YAP1: variants seen among roughly 807,000 people sequenced by gnomAD.
YAP1 encodes the protein transcriptional coactivator YAP1.
Under a neutral mutation model 56.9 loss-of-function variants are expected in YAP1, and 5 were observed. The observed-to-expected ratio is 0.09, with a 90% CI of 0.05 to 0.18. The LOEUF (loss-of-function observed/expected upper bound fraction) is 0.18. Among genes scored for constraint, YAP1 ranks in the 10% least tolerant of loss-of-function variants. The pLI is 1.00. For missense variants in YAP1, 539 were observed against 651.8 expected, an observed-to-expected ratio of 0.83 and a Z score of 1.88; for synonymous variants, 265 against 248.1, an observed-to-expected ratio of 1.07 and a Z score of -0.64.
intron 6 of YAP1, among the ~76,000 whole-genome samples, chr11:102,213,181 G>A (rs1949492547): frequency 6.6e-6 from 1 of 152,186 alleles, no homozygotes; most frequent in African/African-American, 2.4e-5. Flanking sequence ...ACCTTCTCTT[G>A]TGCTTAAGAA....
rs367583347 is a variant in YAP1 at position 102,208,423 on chromosome 11, T to C, written c.985-1094T>C. On this transcript the variant is annotated intron_variant, in intron 5 of 8. Transcript: ENST00000282441. ...TATCAGTTCATTTTCAGCGAACCTTTAGAGGGTAGAGGGGAAGTTTTCCTT... is the reference window on the plus strand; with the variant it reads ...TATCAGTTCATTTTCAGCGAACCTTCAGAGGGTAGAGGGGAAGTTTTCCTT... Among the ~76,000 whole-genome samples, 12 of 152,356 alleles carry C rather than the reference T, an allele frequency of 7.9e-5. No individual in the cohort carries two copies. In the East Asian group the frequency reaches 1.9e-3, roughly 24 times the overall value.
intron 5 of YAP1, among the ~76,000 whole-genome samples, chr11:102,206,383 T>C (rs1045019335): frequency 2.6e-5 from 4 of 152,216 alleles, no homozygotes; most frequent in African/African-American, 9.6e-5. Flanking sequence ...GAATTGTGGA[T>C]TGCTGTTTTT....
At chr11:102,160,759 G>A (rs1438419805) in intron 2 of YAP1, among the ~76,000 whole-genome samples, 1 of 152,094 alleles carries the variant, frequency 6.6e-6, no homozygotes, top group African/African-American at 2.4e-5. Context: ...GAAGTTATTT[G>A]CTTGCTTTCT....
At chr11:102,171,773 A>AGATAATAGTATTTTTCCCTTCT (rs1946914005) in intron 3 of YAP1, among the ~76,000 whole-genome samples, 1 of 152,190 alleles carries the variant, frequency 6.6e-6, no homozygotes, top group Non-Finnish European at 1.5e-5. Context: ...TTTTACCTTG[A>AGATAATAGTATTTTTCCCTTCT]GATAATAGTA....
chr11:102,223,396 G>C (rs1950046713), intron 6 of YAP1, among the ~76,000 whole-genome samples: 1 of 152,048 alleles, frequency 6.6e-6, no homozygotes, highest in African/African-American at 2.4e-5. Context: ...TATATAGGGT[G>C]GGGGGTGGTT....
At chr11:102,206,380 G>C (rs1477591422) in intron 5 of YAP1, among the ~76,000 whole-genome samples, 1 of 152,086 alleles carries the variant, frequency 6.6e-6, no homozygotes, top group Admixed American at 6.5e-5. Flanking sequence ...ATGGAATTGT[G>C]GATTGCTGTT....
chr11:102,202,447 G>A (rs917132005), intron 4 of YAP1, among the ~76,000 whole-genome samples: 57 of 150,878 alleles, frequency 3.8e-4, no homozygotes, highest in African/African-American at 1.4e-3. Flanking sequence ...CCCAAGTGCT[G>A]GGATTACAGG....
At chr11:102,124,228 C>T (rs1212502056) in intron 2 of YAP1, among the ~76,000 whole-genome samples, 4 of 152,140 alleles carry the variant, frequency 2.6e-5, no homozygotes, top group African/African-American at 4.8e-5. Context: ...GCTGGGATTA[C>T]AGGCATGAGC....
intron 2 of YAP1, among the ~76,000 whole-genome samples, chr11:102,153,505 T>C (rs1945779374): frequency 6.6e-6 from 1 of 152,258 alleles, no homozygotes; most frequent in African/African-American, 2.4e-5. Context: ...GAGTGTTTTC[T>C]GATACAGCAT....
chr11:102,190,809 G>A (rs759128631), intron 4 of YAP1, among the ~76,000 whole-genome samples: 25 of 151,880 alleles, frequency 1.6e-4, no homozygotes, highest in Middle Eastern at 3.2e-3. Context: ...GATGGCACAC[G>A]CCTATAATCC....
At chr11:102,134,740 ACT>A (rs913229357) in intron 2 of YAP1, among the ~76,000 whole-genome samples, 8 of 151,900 alleles carry the variant, frequency 5.3e-5, no homozygotes, top group African/African-American at 1.7e-4. Context: ...ATAGGGTCTC[ACT>A]CTGTTGCCCA....
chr11:102,183,168 TAAA>T (rs1158710032), intron 3 of YAP1, among the ~76,000 whole-genome samples: 4 of 152,168 alleles, frequency 2.6e-5, no homozygotes, highest in African/African-American at 9.7e-5. Flanking sequence ...AAGGCTGAAT[TAAA>T]GAAGTGACAT....
intron 3 of YAP1, among the ~76,000 whole-genome samples, chr11:102,180,681 CAAAAAAAAAAA>C (rs58820066): frequency 2.5e-3 from 106 of 42,610 alleles, no homozygotes; most frequent in Non-Finnish European, 4.1e-3. Context: ...GACTCCATCT[CAAAAAAAAAAA>C]AAAAAAAAAA....
chr11:102,112,010 C>T (rs1199013430), intron 1 of YAP1, among the ~76,000 whole-genome samples: 3 of 152,158 alleles, frequency 2.0e-5, no homozygotes, highest in African/African-American at 7.2e-5. Flanking sequence ...TAGTAGGTCG[C>T]GTGTTGGTTT....
intron 6 of YAP1, among the ~76,000 whole-genome samples, chr11:102,215,621 G>A (rs962054025): frequency 1.1e-4 from 16 of 152,174 alleles, no homozygotes; most frequent in Admixed American, 9.2e-4. Flanking sequence ...GATTAGAGGC[G>A]CACACCACCA....
Position 102,145,009 on chromosome 11 carries a change from A to G in YAP1, c.573-17447A>G, listed in dbSNP as rs139691851. Reference sequence around the variant, plus strand: ...GTTTAAAAGAGGGATTAGTATGTCAAATTTGTTTCTATATTGTATTTCTGG... The same window carrying G: ...GTTTAAAAGAGGGATTAGTATGTCAGATTTGTTTCTATATTGTATTTCTGG... On this transcript the variant is annotated intron_variant, in intron 2 of 8. Coordinates refer to ENST00000282441, the MANE Select transcript of YAP1 (RefSeq NM_001130145.3). 1.2e-3 allele frequency among the ~76,000 whole-genome samples: 181 copies of G among 152,092 alleles called. 1 individual carries two copies. In the East Asian group the frequency reaches 0.019, roughly 16 times the overall value.
At chr11:102,145,378 A>G (rs923328462) in intron 2 of YAP1, among the ~76,000 whole-genome samples, 6 of 152,214 alleles carry the variant, frequency 3.9e-5, no homozygotes, top group African/African-American at 1.4e-4. Context: ...TAAAGAGTTC[A>G]TGAAGGAATT....
At chr11:102,145,075 T>C (rs899392549) in intron 2 of YAP1, among the ~76,000 whole-genome samples, 2 of 152,206 alleles carry the variant, frequency 1.3e-5, no homozygotes, top group Non-Finnish European at 2.9e-5. Flanking sequence ...GGTAAGGCTG[T>C]CATTTAATGC....
chr11:102,112,425 C>CTTTTTTTTTTTTTTTTTTTT (rs751339753), intron 1 of YAP1: 5 of 704,148 alleles, frequency 7.1e-6, no homozygotes, highest in African/African-American at 5.1e-5. Context: ...ATTTCTTCTT[C>CTTTTTTTTTTTTTTTTTTTT]TTTTTTTTTT....
Sources: gnomAD v4.1 joint callset for allele counts (sites outside exome capture counted in the v4.1 genomes callset) on GRCh38, gnomAD v4.1.1 for gene constraint, MANE v1.5 for transcripts, NCBI Gene and HGNC (gene_info 2026-07-23, HGNC 2026-07-21) for gene names.